The following BCKDHB variants were observed in gnomAD, a reference collection of about 807,000 sequenced individuals.
BCKDHB encodes 2-oxoisovalerate dehydrogenase subunit beta, mitochondrial.
A neutral mutation model predicts 48.5 loss-of-function variants in BCKDHB; 41 were observed. The ratio of observed to expected loss-of-function variants is 0.85; its 90% CI spans 0.66 to 1.10. BCKDHB has a LOEUF of 1.10. Ranked by LOEUF, BCKDHB falls within the 50% of genes least tolerant of loss-of-function variation. The pLI is 0.00. For missense variants in BCKDHB, 496 were observed against 494.2 expected (o/e 1.00, Z -0.03); for synonymous variants, 201 against 174.8 (o/e 1.15, Z -1.18).
chr6:80,256,513 C>G (rs529684855), intron 8 of BCKDHB, among the ~76,000 whole-genome samples: 1 of 152,204 alleles, frequency 6.6e-6, no homozygotes, highest in Non-Finnish European at 1.5e-5. Context: ...ATGTGGTCCA[C>G]TGTTGACCAA....
At chr6:80,246,318 C>T (rs1459790087) in intron 8 of BCKDHB, among the ~76,000 whole-genome samples, 6 of 152,128 alleles carry the variant, frequency 3.9e-5, no homozygotes, top group South Asian at 4.1e-4. Flanking sequence ...GGTCGTCCCT[C>T]GCCTCCCCTA....
intron 9 of BCKDHB, among the ~76,000 whole-genome samples, chr6:80,311,103 G>C (rs555416129): frequency 1.4e-4 from 21 of 152,234 alleles, no homozygotes; most frequent in African/African-American, 4.8e-4. Flanking sequence ...GATCTTTCCC[G>C]TGCTGTTCTC....
intron 8 of BCKDHB, among the ~76,000 whole-genome samples, chr6:80,257,662 G>C (rs1025405544): frequency 1.4e-4 from 21 of 151,976 alleles, no homozygotes; most frequent in Non-Finnish European, 2.5e-4. Flanking sequence ...TGCTGGTAGA[G>C]AGGCTCAGAC....
chr6:80,154,332 T>G (rs1341987474), intron 3 of BCKDHB, among the ~76,000 whole-genome samples: 2 of 152,196 alleles, frequency 1.3e-5, no homozygotes, highest in Non-Finnish European at 2.9e-5. Context: ...TATTTTTTAC[T>G]GGGTCAGAAT....
At chr6:80,394,633 G>A in the BCKDHB span, among the ~76,000 whole-genome samples, 1 of 152,136 alleles carries the variant, frequency 6.6e-6, no homozygotes, top group African/African-American at 2.4e-5. Context: ...TCAAGTAACA[G>A]CATTAACTAA....
intron 8 of BCKDHB, among the ~76,000 whole-genome samples, chr6:80,268,912 G>T (rs1777621002): frequency 6.6e-6 from 1 of 151,932 alleles, no homozygotes; most frequent in African/African-American, 2.4e-5. Flanking sequence ...CCATCAATTT[G>T]GAACATGCTA....
chr6:80,122,003 C>A (rs1295650575), intron 1 of BCKDHB, among the ~76,000 whole-genome samples: 1 of 151,950 alleles, frequency 6.6e-6, no homozygotes, highest in Non-Finnish European at 1.5e-5. Context: ...ATAAATAGCT[C>A]TTATTATTTT....
the BCKDHB span, among the ~76,000 whole-genome samples, chr6:80,376,214 G>A: frequency 5.3e-5 from 8 of 152,096 alleles, no homozygotes; most frequent in African/African-American, 1.9e-4. Context: ...GTGGTTCCCA[G>A]GCCAATGGAG....
chr6:80,323,941 T>G (rs539442162), intron 9 of BCKDHB, among the ~76,000 whole-genome samples: 1 of 152,036 alleles, frequency 6.6e-6, no homozygotes, highest in South Asian at 2.1e-4. Context: ...GCCGGCTAAT[T>G]TTTTGTATTT....
chr6:80,428,445 A>G, the BCKDHB span, among the ~76,000 whole-genome samples: 1 of 152,182 alleles, frequency 6.6e-6, no homozygotes, highest in African/African-American at 2.4e-5. Flanking sequence ...AGGAGTTGCC[A>G]TGCTGTCTTC....
In BCKDHB at chr6:80,240,870, G is replaced by A. The variant is rs138334447; in HGVS notation, c.952-32265G>A. Among the ~76,000 whole-genome samples the A allele has an allele frequency of 3.6e-3, 551 of 152,212 alleles. 6 individuals carry two copies. The highest frequency in any genetic ancestry group is 0.013 in the African/African-American group (527 of 41,528). On this transcript the variant is annotated intron_variant, in intron 8 of 9. Coordinates refer to ENST00000320393, the MANE Select transcript of BCKDHB (RefSeq NM_183050.4). ...TTTCCAGCTTGGTTCCTTTCTCCCC[G>A]TCACTTTCAGGTACACCAATCAGAC... is the stretch of plus-strand genomic sequence containing the variant.
At chr6:80,117,823 T>A (rs1354910923) in intron 1 of BCKDHB, among the ~76,000 whole-genome samples, 1 of 152,214 alleles carries the variant, frequency 6.6e-6, no homozygotes, top group Non-Finnish European at 1.5e-5. Flanking sequence ...TGGGTAAATC[T>A]CTGTTCGAGG....
intron 3 of BCKDHB, among the ~76,000 whole-genome samples, chr6:80,163,819 T>C (rs770370377): frequency 6.6e-6 from 1 of 152,200 alleles, no homozygotes; most frequent in African/African-American, 2.4e-5. Flanking sequence ...GTCCTTCAGG[T>C]TACCCAGGCC....
intron 3 of BCKDHB, among the ~76,000 whole-genome samples, chr6:80,148,868 AG>A (rs200379640): frequency 0.019 from 2,838 of 152,302 alleles, 83 homozygotes; most frequent in African/African-American, 0.065. Context: ...TAAAAACCCT[AG>A]AAGAAAGCCT....
At chr6:80,296,158 TCTA>T (rs1229871222) in intron 9 of BCKDHB, among the ~76,000 whole-genome samples, 2 of 152,188 alleles carry the variant, frequency 1.3e-5, no homozygotes, top group Non-Finnish European at 1.5e-5. Context: ...GTTTTTTACC[TCTA>T]TTCTAATGTT....
the BCKDHB span, among the ~76,000 whole-genome samples, chr6:80,428,193 G>T: frequency 6.6e-6 from 1 of 152,126 alleles, no homozygotes; most frequent in African/African-American, 2.4e-5. Flanking sequence ...CCCTGCAAAG[G>T]ACATGAATTC....
Position 80,129,142 on chromosome 6 carries a change from T to C in BCKDHB, c.275-19T>C. On this transcript the variant is annotated intron_variant, in intron 2 of 9. Transcript: ENST00000320393. ...AGAGATTATTAAATAAAATGTATTA[T>C]TTAAATACTGTTTTTCAGTAATATT... The C allele has an allele frequency of 1.9e-6, 3 of 1,552,616 alleles. No individual in the cohort carries two copies. The highest frequency in any genetic ancestry group is 2.7e-6 in the Non-Finnish European group (3 of 1,127,140).
intron 1 of BCKDHB, among the ~76,000 whole-genome samples, chr6:80,107,368 AATC>A (rs1366420605): frequency 6.8e-6 from 1 of 146,272 alleles, no homozygotes; most frequent in Non-Finnish European, 1.5e-5. Context: ...ATGTATATAA[AATC>A]AATTCAGTTA....
rs147460478 is a variant in BCKDHB at position 80,172,563 on chromosome 6, T to C, written c.742+1173T>C. On this transcript the variant is annotated intron_variant, in intron 6 of 9. Transcript: ENST00000320393. ...CATCAAGGTAATTTTTTGTGAATAG[T>C]ATTAGCATATTGCAACTATGTTTCT... 1.7e-3 allele frequency among the ~76,000 whole-genome samples: 265 copies of C among 152,222 alleles called. 1 individual carries two copies. The highest frequency in any genetic ancestry group is 6.0e-3 in the African/African-American group (251 of 41,568).
Sources: gnomAD v4.1 joint callset for allele counts (sites outside exome capture counted in the v4.1 genomes callset) on GRCh38, gnomAD v4.1.1 for gene constraint, MANE v1.5 for transcripts, NCBI Gene and HGNC (gene_info 2026-07-23, HGNC 2026-07-21) for gene names.